Variants in RUNX1T1 observed in about 807,000 individuals in gnomAD.
RUNX1T1 encodes protein CBFA2T1.
In RUNX1T1, 4 loss-of-function variants were observed where a neutral mutation model predicts 62.8. The observed-to-expected ratio is 0.06, with a 90% CI of 0.03 to 0.15. RUNX1T1 has a LOEUF of 0.15. Among genes scored for constraint, RUNX1T1 ranks in the 10% least tolerant of loss-of-function variants. The pLI, the probability that RUNX1T1 is intolerant of heterozygous loss-of-function variation, is 1.00. For synonymous variants in RUNX1T1, 291 were observed against 286.0 expected (o/e 1.02, Z -0.18); for missense variants, 508 against 754.3 (o/e 0.67, Z 3.82).
At chr8:92,102,153 A>T (rs1838066177), upstream of RUNX1T1, among the ~76,000 whole-genome samples, 1 of 152,142 alleles carries the variant, frequency 6.6e-6, no homozygotes, top group Non-Finnish European at 1.5e-5. The surrounding 1 kb of genome is among the most constrained non-coding windows in gnomAD (Gnocchi z 4.5). Flanking sequence ...GACTCTCCCC[A>T]TCGGCCCCTG....
At chr8:92,042,520 T>C (rs1828653081) in intron 1 of RUNX1T1, among the ~76,000 whole-genome samples, 1 of 151,770 alleles carries the variant, frequency 6.6e-6, no homozygotes, top group African/African-American at 2.4e-5. Flanking sequence ...TGGTGTCTTG[T>C]TATGTTGGCC....
At chr8:92,080,154 A>G (rs1246889619) in intron 1 of RUNX1T1, among the ~76,000 whole-genome samples, 1 of 151,992 alleles carries the variant, frequency 6.6e-6, no homozygotes. Context: ...TACCCTCCAC[A>G]TTTGGAACTG....
chr8:91,999,675 G>A (rs1165589432), intron 5 of RUNX1T1, among the ~76,000 whole-genome samples: 1 of 152,136 alleles, frequency 6.6e-6, no homozygotes, highest in African/African-American at 2.4e-5. Flanking sequence ...GAGGAAAGAA[G>A]TGCTATATGT....
chr8:92,085,734 A>C (rs1046023257), intron 1 of RUNX1T1, among the ~76,000 whole-genome samples: 1 of 152,338 alleles, frequency 6.6e-6, no homozygotes, highest in Non-Finnish European at 1.5e-5. Context: ...AAATAATATT[A>C]TCTTAATGAA....
chr8:92,033,305 T>TG, intron 1 of RUNX1T1, among the ~76,000 whole-genome samples: 1 of 152,230 alleles, frequency 6.6e-6, no homozygotes, highest in African/African-American at 2.4e-5. Context: ...TACTACCACA[T>TG]GGGGGGAAGT....
chr8:92,018,846 GTTA>G (rs1367679349), intron 1 of RUNX1T1, among the ~76,000 whole-genome samples: 1 of 152,100 alleles, frequency 6.6e-6, no homozygotes, highest in African/African-American at 2.4e-5. Context: ...ACAATAAGCT[GTTA>G]TTATTATTAT....
intron 8 of RUNX1T1, among the ~76,000 whole-genome samples, chr8:91,983,892 GA>G (rs1198072444): frequency 6.6e-6 from 1 of 151,934 alleles, no homozygotes; most frequent in Middle Eastern, 3.4e-3. Context: ...GATGCACAGT[GA>G]AAAAAAACTG....
At chr8:92,095,191 A>C in intron 1 of RUNX1T1, 2 of 1,535,138 alleles carry the variant, frequency 1.3e-6, no homozygotes, top group Non-Finnish European at 1.7e-6. Flanking sequence ...GCGACAGATA[A>C]CATGTTACAT....
At chr8:91,966,561 A>C (rs1410193535) in intron 10 of RUNX1T1, among the ~76,000 whole-genome samples, 1 of 152,218 alleles carries the variant, frequency 6.6e-6, no homozygotes, top group African/African-American at 2.4e-5. Context: ...AAGCTGTAGA[A>C]GTTTCCTTGG....
At chr8:92,094,946 C>A in intron 1 of RUNX1T1, 1 of 976,866 alleles carries the variant, frequency 1.0e-6, no homozygotes, top group South Asian at 1.5e-5. Flanking sequence ...ATCTATTGTT[C>A]CCCCTTTATC....
chr8:92,084,015 T>A (rs1194012711), intron 1 of RUNX1T1, among the ~76,000 whole-genome samples: 1 of 151,894 alleles, frequency 6.6e-6, no homozygotes, highest in Non-Finnish European at 1.5e-5. Context: ...AGCCAAACAA[T>A]GCATGTTCTC....
chr8:92,052,856 C>T (rs577953001), intron 1 of RUNX1T1, among the ~76,000 whole-genome samples: 1 of 152,328 alleles, frequency 6.6e-6, no homozygotes, highest in East Asian at 1.9e-4. Flanking sequence ...AAGTGCTTGA[C>T]TGACCCTGTG....
intron 1 of RUNX1T1, among the ~76,000 whole-genome samples, chr8:92,057,663 A>C (rs2130514920): frequency 6.6e-6 from 1 of 152,282 alleles, no homozygotes; most frequent in African/African-American, 2.4e-5. Context: ...ATTAAGCTAG[A>C]CCTTCTCAGA....
At chr8:92,074,388 T>C (rs1834120288) in intron 2 of RUNX1T1, among the ~76,000 whole-genome samples, 5 of 152,242 alleles carry the variant, frequency 3.3e-5, no homozygotes, top group Admixed American at 3.3e-4. Context: ...AGTAACTCTA[T>C]GTATCTGCAA....
intron 2 of RUNX1T1, chr8:92,071,530 T>A (rs1271468213): frequency 6.6e-6 from 1 of 151,740 alleles, no homozygotes; most frequent in African/African-American, 2.4e-5. Context: ...TGTCTGTCAG[T>A]GTGGTCCACA....
intron 4 of RUNX1T1, chr8:92,009,658 C>T (rs1190288660): frequency 1.4e-5 from 2 of 147,200 alleles, no homozygotes; most frequent in Non-Finnish European, 3.0e-5. Flanking sequence ...AAATGGCATT[C>T]ATATGATGAA....
intron 10 of RUNX1T1, among the ~76,000 whole-genome samples, chr8:91,964,635 T>C (rs921895519): frequency 3.3e-5 from 5 of 152,164 alleles, no homozygotes; most frequent in Non-Finnish European, 5.9e-5. Flanking sequence ...AATATAAAAT[T>C]ACATAGCCAA....
intron 10 of RUNX1T1, among the ~76,000 whole-genome samples, chr8:91,967,005 A>G (rs1432827111): frequency 6.6e-6 from 1 of 152,180 alleles, no homozygotes; most frequent in Non-Finnish European, 1.5e-5. Flanking sequence ...GGCTACCTGA[A>G]CTAAGGACCA....
intron 1 of RUNX1T1, among the ~76,000 whole-genome samples, chr8:92,091,285 C>A (rs552574343): frequency 2.6e-5 from 4 of 152,162 alleles, no homozygotes; most frequent in Non-Finnish European, 5.9e-5. Context: ...TCATGAATTA[C>A]TTTATAAAGG....
Sources: gnomAD v4.1 joint callset for allele counts (sites outside exome capture counted in the v4.1 genomes callset) on GRCh38, gnomAD v4.1.1 for gene constraint, Gnocchi (gnomAD v3.1) non-coding constraint, MANE v1.5 for transcripts, NCBI Gene and HGNC (gene_info 2026-07-23, HGNC 2026-07-21) for gene names.